The following ARID2 variants were observed in gnomAD, a reference collection of about 807,000 sequenced individuals.
ARID2 encodes the protein AT-rich interactive domain-containing protein 2.
In ARID2, 32 loss-of-function variants were observed where a neutral mutation model predicts 184.6. The observed-to-expected ratio is 0.17, with a 90% confidence interval of 0.13 to 0.23. The LOEUF is 0.23. Ranked by LOEUF, ARID2 falls within the 10% of genes least tolerant of loss-of-function variation. The pLI is 1.00. For missense variants in ARID2, 1,696 were observed against 2,197.6 expected (o/e 0.77, Z 4.56); for synonymous variants, 836 against 772.6 (o/e 1.08, Z -1.36).
rs182689996 is a variant in ARID2 at position 45,827,091 on chromosome 12, C to A, written c.705+5604C>A. ...TGGGATGTACGTACTCACATCCAGG[C>A]CCACAAGTATAAAAAACGTTTTTTC... On this transcript the variant is annotated intron_variant, in intron 6 of 20. Transcript: ENST00000334344. Among the ~76,000 whole-genome samples the A allele has an allele frequency of 2.2e-3, 329 of 151,916 alleles. 6 individuals carry two copies. The highest frequency in any genetic ancestry group is 0.02 in the Admixed American group (303 of 15,190).
chr12:45,747,997 C>G (rs1163183519), intron 3 of ARID2, among the ~76,000 whole-genome samples: 2 of 152,074 alleles, frequency 1.3e-5, no homozygotes, highest in East Asian at 3.9e-4. Context: ...TTTTTGGTTT[C>G]CCAGTGCACA....
At chr12:45,753,974 G>A (rs1386546901) in intron 3 of ARID2, among the ~76,000 whole-genome samples, 2 of 152,138 alleles carry the variant, frequency 1.3e-5, no homozygotes, top group African/African-American at 4.8e-5. Flanking sequence ...TAAGATTTGT[G>A]ATGCTTCTGG....
rs528209798 is a variant in ARID2 at position 45,847,610 on chromosome 12, C to T, written c.1580+673C>T. On this transcript the variant is annotated intron_variant, in intron 12 of 20. Transcript: ENST00000334344. ...TTTAGAAGATTAACAGATTGAATTA[C>T]ACAATCACTTTCCAATGATATATCA... Among the ~76,000 whole-genome samples the T allele has an allele frequency of 1.9e-3, 295 of 152,190 alleles. 1 individual carries two copies. The highest frequency in any genetic ancestry group is 7.0e-3 in the African/African-American group (293 of 41,562).
intron 20 of ARID2, among the ~76,000 whole-genome samples, chr12:45,899,078 C>T (rs1476204708): frequency 6.7e-6 from 1 of 149,848 alleles, no homozygotes; most frequent in East Asian, 2.0e-4. Flanking sequence ...TTGAGATCAT[C>T]CTGGCCAACA....
Position 45,858,946 on chromosome 12 carries a change from A to C in ARID2, c.4774-1855A>C, listed in dbSNP as rs117513026. Among the ~76,000 whole-genome samples the C allele has an allele frequency of 3.5e-3, 531 of 152,358 alleles. 8 individuals are homozygous for C. In the East Asian group the frequency reaches 0.047, roughly 14 times the overall value. On this transcript the variant is annotated intron_variant, in intron 15 of 20. Coordinates refer to ENST00000334344, the MANE Select transcript of ARID2 (RefSeq NM_152641.4). Reference sequence around the variant, plus strand: ...TTTCCCTCAGAGCTTAGAACTCAAAAGTTCTTGACTTCCCATTTCTGACAA... The same window carrying C: ...TTTCCCTCAGAGCTTAGAACTCAAACGTTCTTGACTTCCCATTTCTGACAA...
At chr12:45,845,150 C>G (rs1427128888) in intron 11 of ARID2, among the ~76,000 whole-genome samples, 2 of 152,084 alleles carry the variant, frequency 1.3e-5, no homozygotes, top group Non-Finnish European at 2.9e-5. Context: ...AAAGACTTCT[C>G]ATGATTTCAA....
chr12:45,870,077 C>T (rs1404492340), intron 16 of ARID2, among the ~76,000 whole-genome samples: 1 of 151,928 alleles, frequency 6.6e-6, no homozygotes, highest in Admixed American at 6.5e-5. Flanking sequence ...GCTCCGCCTC[C>T]TGGGTTCACG....
At chr12:45,766,908 C>T (rs966107938) in intron 3 of ARID2, among the ~76,000 whole-genome samples, 8 of 150,182 alleles carry the variant, frequency 5.3e-5, no homozygotes, top group Non-Finnish European at 1.2e-4. Flanking sequence ...GCAGAGATTG[C>T]GGTGAGCCAA....
rs559883126 is a variant in ARID2 at position 45,907,757 on chromosome 12, G to C, written c.*2679G>C. 24 of 232,772 alleles carry C rather than the reference G, an allele frequency of 1.0e-4. 1 individual carries two copies. Among genetic ancestry groups the C allele is most frequent in the African/African-American group, 5.3e-4 (24 of 45,392 alleles). The allele number at this position is 232,772 out of a possible 1,614,324, so 14.4% of individuals were successfully genotyped here. On this transcript the variant is annotated 3_prime_UTR_variant, in exon 21 of 21. Coordinates refer to ENST00000334344, the MANE Select transcript of ARID2 (RefSeq NM_152641.4). The stretch of plus-strand genomic sequence containing the variant: ...ATACATGCTTTAATGTTATCTTTGA[G>C]AAATCTATGTAAATAATATAGTCTA...
At position 45,852,907 on chromosome 12, in the gene ARID2, C is replaced by G. The variant is rs1943583137; in HGVS notation, c.4773+11C>G. ...AATGTGGTCCCGCAGGTAAGTTATT[C>G]CATGATCACATTTCTCTTATGAAAT... On this transcript the variant is annotated intron_variant, in intron 15 of 20. Coordinates refer to ENST00000334344, the MANE Select transcript of ARID2 (RefSeq NM_152641.4). 3 of 1,545,532 alleles carry G rather than the reference C, an allele frequency of 1.9e-6. No individual in the cohort carries two copies. Among genetic ancestry groups the G allele is most frequent in the African/African-American group, 2.7e-5 (2 of 72,954 alleles).
At chr12:45,784,450 A>G (rs1942156313) in intron 3 of ARID2, among the ~76,000 whole-genome samples, 1 of 152,210 alleles carries the variant, frequency 6.6e-6, no homozygotes, top group Admixed American at 6.5e-5. Context: ...TAAGACCTAT[A>G]TAAGAAAAAC....
rs770238875 is a variant in ARID2 at position 45,811,454 on chromosome 12, G to A, written c.321G>A (p.Gly107=). 1.2e-6 allele frequency: 2 copies of A among 1,612,988 alleles called. No individual in the cohort carries two copies. Among genetic ancestry groups the A allele is most frequent in the South Asian group, 2.2e-5 (2 of 90,956 alleles). The change falls in exon 4 of 21, where the codon GGG becomes GGA. Residue 107 remains glycine, a synonymous_variant. Transcript: ENST00000334344. ...LEKYEKVHHF[G]EDDDEVPPGN... is the part of the protein sequence containing the mutation. The stretch of plus-strand genomic sequence containing the variant: ...AGTACGAGAAAGTTCATCATTTTGG[G>A]GAGGATGATGATGAGGTACCACCAG...
chr12:45,847,827 T>C (rs1352864485), intron 12 of ARID2, among the ~76,000 whole-genome samples: 1 of 152,090 alleles, frequency 6.6e-6, no homozygotes, highest in Non-Finnish European at 1.5e-5. Flanking sequence ...TTGTTTGCTT[T>C]TTCCTCACCT....
chr12:45,816,591 GA>G (rs1419141626), intron 4 of ARID2, among the ~76,000 whole-genome samples: 1 of 152,004 alleles, frequency 6.6e-6, no homozygotes, highest in Non-Finnish European at 1.5e-5. Flanking sequence ...CCAGAGAAAT[GA>G]AAAAAATATG....
intron 6 of ARID2, among the ~76,000 whole-genome samples, chr12:45,827,401 T>C (rs1348249134): frequency 6.6e-6 from 1 of 152,158 alleles, no homozygotes; most frequent in Non-Finnish European, 1.5e-5. Flanking sequence ...ATTTATTTGG[T>C]AAAATATTTT....
chr12:45,841,607 G>A (rs973692776), intron 11 of ARID2: 2 of 152,012 alleles, frequency 1.3e-5, no homozygotes, highest in African/African-American at 4.8e-5. Context: ...CCATTTTTAG[G>A]TTAACATCTA....
At chr12:45,830,714 G>A (rs1943101944) in intron 6 of ARID2, among the ~76,000 whole-genome samples, 1 of 152,044 alleles carries the variant, frequency 6.6e-6, no homozygotes, top group African/African-American at 2.4e-5. Context: ...TCACAATGGG[G>A]AGTGGCAGTT....
Position 45,851,330 on chromosome 12 carries a change from T to C in ARID2, c.3207T>C (p.Gly1069=), listed in dbSNP as rs2138170111. The change falls in exon 15 of 21, where the codon GGT becomes GGC. Residue 1069 remains glycine (G), a synonymous_variant. Coordinates refer to ENST00000334344, the MANE Select transcript of ARID2 (RefSeq NM_152641.4). ...LIKQLLLPKR[G]PSTPGGKLIL... Reference sequence around the variant, plus strand: ...AACAGCTTCTGCTTCCGAAACGTGGTCCTTCAACACCAGGTGGTAAGCTTA... The same window carrying C: ...AACAGCTTCTGCTTCCGAAACGTGGCCCTTCAACACCAGGTGGTAAGCTTA... The C allele has an allele frequency of 2.5e-6, 4 of 1,614,128 alleles. No individual in the cohort carries two copies. Among genetic ancestry groups the C allele is most frequent in the Non-Finnish European group, 3.4e-6 (4 of 1,180,014 alleles).
chr12:45,825,292 C>T (rs1040578931), intron 6 of ARID2, among the ~76,000 whole-genome samples: 1 of 151,916 alleles, frequency 6.6e-6, no homozygotes, highest in Non-Finnish European at 1.5e-5. Context: ...GATGCATATC[C>T]CAAATACCAT....
Sources: allele counts gnomAD v4.1 joint callset (sites outside exome capture counted in the v4.1 genomes callset), GRCh38; gene constraint gnomAD v4.1.1; transcripts MANE v1.5; gene names NCBI Gene and HGNC (gene_info 2026-07-23, HGNC 2026-07-21).